Variants in ISL1 observed in about 807,000 individuals in gnomAD.
ISL1 encodes the protein ISL LIM homeobox 1.
In ISL1, 4 loss-of-function variants were observed where a neutral mutation model predicts 35.3. The ratio of observed to expected loss-of-function variants is 0.11; its 90% CI spans 0.06 to 0.26. The LOEUF is 0.26. ISL1 is among the 10% of genes least tolerant of loss of function. ISL1 has a pLI of 1.00. For synonymous variants in ISL1, 186 were observed against 172.3 expected, an observed-to-expected ratio of 1.08 and a Z score of -0.62; for missense variants, 340 against 472.8, an observed-to-expected ratio of 0.72 and a Z score of 2.60.
intron 3 of ISL1, among the ~76,000 whole-genome samples, chr5:51,388,181 G>T (rs1270141783): frequency 6.6e-6 from 1 of 152,234 alleles, no homozygotes; most frequent in African/African-American, 2.4e-5. Flanking sequence ...AGGAAGCTTA[G>T]GTGGCCTGAA....
chr5:51,384,811 T>G, intron 2 of ISL1, 81 bp downstream of exon 2: 1 of 1,371,050 alleles, frequency 7.3e-7, no homozygotes, highest in Admixed American at 1.7e-5. Context: ...TGGTGTGGCT[T>G]TGTCTTTTTG....
rs200209474 is a variant in ISL1 at position 51,389,708 on chromosome 5, A to T, written c.541A>T (p.Thr181Ser). 1.6e-4 allele frequency: 256 copies of T among 1,613,766 alleles called. No individual in the cohort carries two copies. In the Middle Eastern group the frequency reaches 2.0e-3, roughly 13 times the overall value. ...RPHVHKQPEK[T>S]TRVRTVLNEK... ...CCACGTCCACAAGCAGCCGGAGAAG[A>T]CCACCCGCGTGCGGACTGTGCTGAA... Residue 181 changes from threonine (T) to serine (S), a missense_variant, in exon 4 of 6, where the codon ACC becomes TCC. Thr to Ser is a moderately conservative substitution (Grantham distance 58). Transcript: ENST00000230658. The surrounding 1 kb of genome is among the most constrained non-coding windows in gnomAD (Gnocchi z 5.0).
At chr5:51,392,618 G>GA (rs999889687) in intron 5 of ISL1, among the ~76,000 whole-genome samples, 6 of 151,206 alleles carry the variant, frequency 4.0e-5, no homozygotes, top group East Asian at 3.9e-4. Context: ...CTAGAACTAG[G>GA]AAAAAAAAAT....
chr5:51,385,461 C>T (rs1430633525), intron 2 of ISL1, among the ~76,000 whole-genome samples: 48 of 152,308 alleles, frequency 3.2e-4, no homozygotes, highest in Non-Finnish European at 8.8e-5. Flanking sequence ...GATAATTGAA[C>T]AGCTTCCTTT....
intron 4 of ISL1, 49 bp from the exon 5 acceptor site, chr5:51,391,225 G>A: frequency 2.5e-6 from 4 of 1,597,316 alleles, no homozygotes; most frequent in Non-Finnish European, 2.6e-6. Context: ...ACGGAGGGAG[G>A]GAATTTGCTC....
At chr5:51,393,414 A>G in intron 5 of ISL1, 80 bp from the exon 6 acceptor site, 3 of 829,860 alleles carry the variant, frequency 3.6e-6, no homozygotes, top group Non-Finnish European at 6.4e-6. Flanking sequence ...ACATTTCTAC[A>G]TATACAATAT....
intron 4 of ISL1, among the ~76,000 whole-genome samples, chr5:51,390,434 G>A (rs1209682334): frequency 6.6e-6 from 1 of 151,954 alleles, no homozygotes; most frequent in Non-Finnish European, 1.5e-5. Context: ...CGGCCGCTGC[G>A]CCTTCAGGCT....
chr5:51,385,368 T>C (rs1269268555), intron 2 of ISL1, among the ~76,000 whole-genome samples: 1 of 152,232 alleles, frequency 6.6e-6, no homozygotes, highest in African/African-American at 2.4e-5. Context: ...TCTAACTGTC[T>C]CTTCTTTCTT....
intron 4 of ISL1, among the ~76,000 whole-genome samples, chr5:51,391,064 A>G (rs1747501632): frequency 6.6e-6 from 1 of 151,730 alleles, no homozygotes; most frequent in Non-Finnish European, 1.5e-5. Flanking sequence ...ATGCAGACCT[A>G]ATAGTCCAGC....
At chr5:51,384,438 A>AG (rs1416377052) in intron 1 of ISL1, 103 bp from the exon 2 acceptor site, 19 of 1,056,252 alleles carry the variant, frequency 1.8e-5, no homozygotes, top group Non-Finnish European at 2.7e-5. Context: ...AAAGAAAGAA[A>AG]AAAACCTCCC....
rs538445143 is a variant in ISL1, at chr5:51,393,885, G to A, written c.*275G>A. 6 of 456,114 alleles carry A rather than the reference G, an allele frequency of 1.3e-5. No individual in the cohort carries two copies. Among genetic ancestry groups the A allele is most frequent in the South Asian group, 9.8e-5 (4 of 41,008 alleles). The allele number at this position is 456,114 out of a possible 1,614,324, so 28.3% of individuals were successfully genotyped here. ...CTTAGAAGTACTGAAAAAAAAAGAC[G>A]TTTTTAAAACGTAGAGGATTTATAT... On this transcript the variant is annotated 3_prime_UTR_variant, in exon 6 of 6. Transcript: ENST00000230658.
intron 5 of ISL1, 176 bp downstream of exon 5, chr5:51,391,617 T>G: frequency 1.5e-6 from 1 of 669,758 alleles, no homozygotes; most frequent in Non-Finnish European, 2.6e-6. Flanking sequence ...ACGAACCTCT[T>G]GGCATCTTTT....
Position 51,384,736 on chromosome 5 carries a change from G to A in ISL1, c.218+6G>A. The A allele has an allele frequency of 6.2e-7, 1 of 1,609,028 alleles. No homozygotes were observed. The highest frequency in any genetic ancestry group is 8.5e-7 in the Non-Finnish European group (1 of 1,175,402). On this transcript the variant is annotated splice_donor_region_variant and intron_variant, in intron 2 of 5. Coordinates refer to ENST00000230658, the MANE Select transcript of ISL1 (RefSeq NM_002202.3). Reference sequence around the variant, plus strand: ...TGTAAAAGAGATTATATCAGGTATGGCATTTACACTTCTTTCTTAATTTTG... The same window carrying A: ...TGTAAAAGAGATTATATCAGGTATGACATTTACACTTCTTTCTTAATTTTG...
chr5:51,389,926 C>T lies in ISL1; in HGVS notation c.759C>T (p.Asp253=). The T allele has an allele frequency of 1.2e-6, 2 of 1,613,690 alleles. No individual in the cohort carries two copies. The highest frequency in any genetic ancestry group is 1.7e-6 in the Non-Finnish European group (2 of 1,179,636). ...AACTCCAGCAGCAGCAGCCCAATGACAAAACTGTGAGTGGCTCTGGGGCCG... is the reference window on the plus strand; with the variant it reads ...AACTCCAGCAGCAGCAGCCCAATGATAAAACTGTGAGTGGCTCTGGGGCCG... ...MKQLQQQQPN[D]KTNIQGMTGT... is the part of the protein sequence containing the mutation. Residue 253 remains aspartate, a synonymous_variant, in exon 4 of 6, where the codon GAC becomes GAT. Transcript: ENST00000230658. The surrounding 1 kb of genome is among the most constrained non-coding windows in gnomAD (Gnocchi z 5.0).
intron 1 of ISL1, among the ~76,000 whole-genome samples, chr5:51,384,102 A>C (rs1747280452): frequency 6.6e-6 from 1 of 152,164 alleles, no homozygotes; most frequent in Non-Finnish European, 1.5e-5. Flanking sequence ...TCTTGCTAAC[A>C]ATATCCAGTC....
At chr5:51,391,749 T>A (rs1477716412) in intron 5 of ISL1, among the ~76,000 whole-genome samples, 1 of 151,958 alleles carries the variant, frequency 6.6e-6, no homozygotes. Context: ...AGATGTACAG[T>A]GTTGGAGAAT....
rs1318614915 is a variant in ISL1 at position 51,394,447 on chromosome 5, A to G, written c.*837A>G. ...CTCTCTCTATGGAAATAAAAAGGAA[A>G]AAAAAAAAGGAAACTTTTTTTGTTT... On this transcript the variant is annotated 3_prime_UTR_variant, in exon 6 of 6. Coordinates refer to ENST00000230658, the MANE Select transcript of ISL1 (RefSeq NM_002202.3). The G allele has an allele frequency of 5.2e-5, 8 of 152,422 alleles. No individual in the cohort carries two copies. The East Asian group carries it at 1.2e-3, about 22-fold the overall frequency. The allele number at this position is 152,422 out of a possible 1,614,324, so 9.4% of individuals were successfully genotyped here. A position where few individuals can be genotyped will look rare whatever the true frequency, so the allele number is the denominator to read the frequency against.
At position 51,389,559 on chromosome 5, in the gene ISL1, A is replaced by AAGCGAGCG. The variant is rs1199747629; in HGVS notation, c.479-74_479-67dup. ...CAAGTAAGCGGGCGGGCGGGCGGGC[A>AAGCGAGCG]AGCGAGCGAGCGAGCGAGCGCGCGA... On this transcript the variant is annotated intron_variant, in intron 3 of 5. Coordinates refer to ENST00000230658, the MANE Select transcript of ISL1 (RefSeq NM_002202.3). The surrounding 1 kb of genome is among the most constrained non-coding windows in gnomAD (Gnocchi z 5.0). 46 of 1,244,630 alleles carry AAGCGAGCG rather than the reference A, an allele frequency of 3.7e-5. No homozygotes were observed. The highest frequency in any genetic ancestry group is 1.3e-4 in the African/African-American group (8 of 62,176). The allele number at this position is 1,244,630 out of a possible 1,614,324, so 77.1% of individuals were successfully genotyped here. A position where few individuals can be genotyped will look rare whatever the true frequency, so the allele number is the denominator to read the frequency against.
chr5:51,389,947 G>A lies in ISL1; in HGVS notation c.765+15G>A. The A allele has an allele frequency of 2.5e-6, 4 of 1,612,098 alleles. No homozygotes were observed. The highest frequency in any genetic ancestry group is 3.4e-6 in the Non-Finnish European group (4 of 1,178,454). On this transcript the variant is annotated intron_variant, in intron 4 of 5. Coordinates refer to ENST00000230658, the MANE Select transcript of ISL1 (RefSeq NM_002202.3). This position sits in a 1 kb window ranked among gnomAD's most constrained non-coding sequence, Gnocchi z 5.0. ...ATGACAAAACTGTGAGTGGCTCTGGGGCCGGGCAGGGAATGCGAGGGGGAA... is the reference window on the plus strand; with the variant it reads ...ATGACAAAACTGTGAGTGGCTCTGGAGCCGGGCAGGGAATGCGAGGGGGAA...
Sources: gnomAD v4.1 joint callset for allele counts (sites outside exome capture counted in the v4.1 genomes callset) on GRCh38, gnomAD v4.1.1 for gene constraint, Gnocchi (gnomAD v3.1) non-coding constraint, MANE v1.5 for transcripts, NCBI Gene and HGNC (gene_info 2026-07-23, HGNC 2026-07-21) for gene names.